LCLAT1: variants seen among roughly 807,000 people sequenced by gnomAD.
LCLAT1 encodes the protein 1-AGP acyltransferase 8.
In LCLAT1, 11 loss-of-function variants were observed where a neutral mutation model predicts 30.7. The observed-to-expected ratio is 0.36, with a 90% CI of 0.23 to 0.59. The LOEUF (loss-of-function observed/expected upper bound fraction) is 0.59, where lower values mean the gene tolerates loss of function less well. Ranked by LOEUF, LCLAT1 falls within the 20% of genes least tolerant of loss-of-function variation. LCLAT1 has a pLI of 0.77. For missense variants in LCLAT1, 402 were observed against 458.6 expected (o/e 0.88, Z 1.13); for synonymous variants, 155 against 151.3 (o/e 1.02, Z -0.18).
rs112246701 is a variant in LCLAT1, at chr2:30,525,596, G to A, written c.6G>A (p.Val2=). 434 of 1,612,794 alleles carry A rather than the reference G, an allele frequency of 2.7e-4. 2 individuals carry two copies. The Middle Eastern group carries it at 2.8e-3, about 10-fold the overall frequency. M[V]SWKGIYFILT... is the part of the protein sequence containing the mutation. The stretch of plus-strand genomic sequence containing the variant: ...TTTTTATATCTTTCAGAATCATGGT[G>A]TCATGGAAAGGGATTTACTTTATAC... The change falls in exon 2 of 6, where the codon GTG becomes GTA. Residue 2 remains valine, a synonymous_variant. Coordinates refer to ENST00000379509, the MANE Select transcript of LCLAT1 (RefSeq NM_001002257.3).
At chr2:30,476,099 A>T (rs911438075) in intron 1 of LCLAT1, among the ~76,000 whole-genome samples, 46 of 152,194 alleles carry the variant, frequency 3.0e-4, no homozygotes, top group African/African-American at 1.1e-3. Flanking sequence ...TAGGTCATAG[A>T]TGTGATTTCA....
In LCLAT1 at chr2:30,459,673, GT is replaced by G. The variant is rs775975979; in HGVS notation, c.-5+12293del. On this transcript the variant is annotated intron_variant, in intron 1 of 5. Coordinates refer to ENST00000379509, the MANE Select transcript of LCLAT1 (RefSeq NM_001002257.3). ...GAACCCATGGTCAATTAACGAGGCA[GT>G]TTCTAGCTACTGCACGTACTTCATA... is the stretch of plus-strand genomic sequence containing the variant. 25 of 1,614,034 alleles carry G rather than the reference GT, an allele frequency of 1.5e-5. 1 individual carries two copies. In the South Asian group the frequency reaches 2.5e-4, roughly 16 times the overall value.
chr2:30,459,915 TA>T (rs1282447061), intron 1 of LCLAT1, among the ~76,000 whole-genome samples: 1 of 152,240 alleles, frequency 6.6e-6, no homozygotes, highest in Non-Finnish European at 1.5e-5. Context: ...TGTCCTTTTT[TA>T]GAAAATAAAA....
intron 2 of LCLAT1, among the ~76,000 whole-genome samples, chr2:30,528,464 T>G (rs1335569863): frequency 6.6e-6 from 1 of 152,212 alleles, no homozygotes; most frequent in African/African-American, 2.4e-5. Flanking sequence ...CTGCTTCATG[T>G]GAGATGAAAT....
At chr2:30,499,473 C>T (rs747315240) in intron 1 of LCLAT1, among the ~76,000 whole-genome samples, 5 of 152,174 alleles carry the variant, frequency 3.3e-5, no homozygotes, top group Admixed American at 6.5e-5. Context: ...TGAGCCACTG[C>T]GCCCAGCCTA....
Position 30,498,369 on chromosome 2 carries a change from A to G in LCLAT1, c.-4-27218A>G, listed in dbSNP as rs756287034. ...GGGCTGAAGTGATGATTCACCCTAT[A>G]TAAATGAAGACTTAGCCCGTGGCTA... On this transcript the variant is annotated intron_variant, in intron 1 of 5. Coordinates refer to ENST00000379509, the MANE Select transcript of LCLAT1 (RefSeq NM_001002257.3). Among the ~76,000 whole-genome samples, 3 of 152,374 alleles carry G rather than the reference A, an allele frequency of 2.0e-5. No homozygotes were observed. The Middle Eastern group carries it at 0.01, about 518-fold the overall frequency.
chr2:30,494,549 CA>C (rs1323951119), intron 1 of LCLAT1, among the ~76,000 whole-genome samples: 4 of 75,302 alleles, frequency 5.3e-5, no homozygotes, highest in Non-Finnish European at 8.6e-5. Flanking sequence ...CATGCATACA[CA>C]CACGCATACG....
chr2:30,609,719 GT>G (rs1667640167), intron 5 of LCLAT1, among the ~76,000 whole-genome samples: 2 of 152,114 alleles, frequency 1.3e-5, no homozygotes, highest in Non-Finnish European at 2.9e-5. Context: ...TGAACTCATA[GT>G]GTTCATTCTC....
intron 5 of LCLAT1, among the ~76,000 whole-genome samples, chr2:30,615,375 T>C (rs892673643): frequency 3.9e-5 from 6 of 152,134 alleles, no homozygotes; most frequent in Admixed American, 2.6e-4. Flanking sequence ...AAATTTCTTT[T>C]GATTGATTTT....
chr2:30,588,219 C>T (rs1379468038), intron 5 of LCLAT1, among the ~76,000 whole-genome samples: 1 of 152,224 alleles, frequency 6.6e-6, no homozygotes, highest in African/African-American at 2.4e-5. Flanking sequence ...GTTCTGGCCT[C>T]TCTCTGTCCT....
intron 5 of LCLAT1, among the ~76,000 whole-genome samples, chr2:30,601,992 CAGTG>C (rs752984723): frequency 1.4e-4 from 21 of 152,128 alleles, no homozygotes; most frequent in Middle Eastern, 6.8e-3. Context: ...CCAGCTCCAA[CAGTG>C]GGCTGCCTAG....
chr2:30,513,059 A>G (rs1439461712), intron 1 of LCLAT1, among the ~76,000 whole-genome samples: 1 of 152,130 alleles, frequency 6.6e-6, no homozygotes, highest in Non-Finnish European at 1.5e-5. Flanking sequence ...AGAAAAATAC[A>G]TTTGTATCTA....
At chr2:30,592,259 C>T (rs1456679100) in intron 5 of LCLAT1, among the ~76,000 whole-genome samples, 1 of 152,164 alleles carries the variant, frequency 6.6e-6, no homozygotes, top group Non-Finnish European at 1.5e-5. Flanking sequence ...CATTATTTTT[C>T]TTTCCTAACT....
chr2:30,636,595 C>G (rs1669036658), intron 5 of LCLAT1, among the ~76,000 whole-genome samples: 1 of 152,082 alleles, frequency 6.6e-6, no homozygotes, highest in Non-Finnish European at 1.5e-5. Context: ...AATCTTTCAT[C>G]AAGGAAAATT....
chr2:30,483,902 A>G (rs1206543654), intron 1 of LCLAT1, among the ~76,000 whole-genome samples: 1 of 152,196 alleles, frequency 6.6e-6, no homozygotes, highest in Non-Finnish European at 1.5e-5. Context: ...TTTGCCACTA[A>G]ATAGTTCAGT....
At chr2:30,457,248 G>C (rs535783635) in intron 1 of LCLAT1, among the ~76,000 whole-genome samples, 2 of 152,122 alleles carry the variant, frequency 1.3e-5, no homozygotes, top group Non-Finnish European at 2.9e-5. Context: ...TTCTTTAGTG[G>C]TTGTCAGAGA....
intron 1 of LCLAT1, among the ~76,000 whole-genome samples, chr2:30,501,516 A>C (rs1684388400): frequency 6.7e-6 from 1 of 149,884 alleles, no homozygotes; most frequent in Non-Finnish European, 1.5e-5. Context: ...AAAAAATACA[A>C]AAAAAAAAAT....
intron 3 of LCLAT1, among the ~76,000 whole-genome samples, chr2:30,534,200 G>C (rs1558502577): frequency 6.7e-6 from 1 of 149,668 alleles, no homozygotes; most frequent in Non-Finnish European, 1.5e-5. Context: ...GACTAGCAAG[G>C]GTGTTTGTAG....
At chr2:30,470,943 T>A (rs1408690945) in intron 1 of LCLAT1, among the ~76,000 whole-genome samples, 3 of 151,040 alleles carry the variant, frequency 2.0e-5, no homozygotes, top group African/African-American at 4.9e-5. Flanking sequence ...AGACAGAGTT[T>A]TGCTCTGTTG....
Sources: allele counts gnomAD v4.1 joint callset (sites outside exome capture counted in the v4.1 genomes callset), GRCh38; gene constraint gnomAD v4.1.1; transcripts MANE v1.5; gene names NCBI Gene and HGNC (gene_info 2026-07-23, HGNC 2026-07-21).